SLC4A8: variants seen among roughly 807,000 people sequenced by gnomAD.
The protein encoded by SLC4A8 is electroneutral sodium bicarbonate exchanger 1.
SLC4A8 carries 40 observed loss-of-function variants against 125.0 expected under a neutral mutation model. The observed-to-expected ratio is 0.32, with a 90% CI of 0.25 to 0.42. The LOEUF is 0.42. Ranked by LOEUF, SLC4A8 falls within the 10% of genes least tolerant of loss-of-function variation. The pLI is 1.00. For synonymous variants in SLC4A8, 456 were observed against 476.0 expected, an observed-to-expected ratio of 0.96 and a Z score of 0.55; for missense variants, 863 against 1,355.1, an observed-to-expected ratio of 0.64 and a Z score of 5.70.
intron 1 of SLC4A8, among the ~76,000 whole-genome samples, chr12:51,402,801 A>G (rs1409942096): frequency 6.6e-6 from 1 of 152,196 alleles, no homozygotes; most frequent in African/African-American, 2.4e-5. Context: ...AATTAATCTA[A>G]GCACCATATG....
Position 51,474,353 on chromosome 12 carries a change from C to T in SLC4A8, c.1916C>T (p.Thr639Ile), listed in dbSNP as rs1950799895. The part of the protein sequence containing the change: ...DHLSLYYCRC[T>I]LPENPNNHTL... ...ATTTTTCCCCTCAGCTGCAGGTGTA[C>T]TCTGCCAGAGAATCCAAACAATCAC... Residue 639 changes from threonine to isoleucine, a missense_variant, in exon 15 of 25, where the codon ACT (threonine) becomes ATT (isoleucine). Thr to Ile is a moderately conservative substitution (Grantham distance 89, BLOSUM62 -1). Coordinates refer to ENST00000453097, the MANE Select transcript of SLC4A8 (RefSeq NM_001039960.3). 8 of 1,585,470 alleles carry T rather than the reference C, an allele frequency of 5.0e-6. No homozygotes were observed. The highest frequency in any genetic ancestry group is 6.9e-6 in the Non-Finnish European group (8 of 1,157,182).
In SLC4A8 at chr12:51,461,358, G is replaced by T. The variant is rs759339673; in HGVS notation, c.1101+67G>T. The stretch of plus-strand genomic sequence containing the variant: ...TTATTGAATATTTACTCTGTGCCAG[G>T]CAATATGCTAGTTATTGGGGATAAA... On this transcript the variant is annotated intron_variant, in intron 9 of 24. Coordinates refer to ENST00000453097, the MANE Select transcript of SLC4A8 (RefSeq NM_001039960.3). The T allele has an allele frequency of 2.3e-5, 21 of 922,820 alleles. No individual in the cohort carries two copies. The Admixed American group carries it at 3.7e-4, about 16-fold the overall frequency. The allele number at this position is 922,820 out of a possible 1,614,324, so 57.2% of individuals were successfully genotyped here.
intron 2 of SLC4A8, among the ~76,000 whole-genome samples, chr12:51,446,005 T>C (rs1949762987): frequency 6.6e-6 from 1 of 152,202 alleles, no homozygotes; most frequent in Non-Finnish European, 1.5e-5. Context: ...AGGGATTTCA[T>C]TAACATACTA....
At position 51,463,652 on chromosome 12, in the gene SLC4A8, T is replaced by A; in HGVS notation, c.1287T>A (p.Val429=). ...RKMPGVPNGN[V]CHIEQEPHGG... ...TGCCTGGAGTTCCAAATGGAAATGT[T>A]TGCCACATAGAACAGGAACCACATG... The change falls in exon 11 of 25, where the codon GTT becomes GTA. Residue 429 remains valine, a synonymous_variant. Transcript: ENST00000453097. 2 of 1,614,130 alleles carry A rather than the reference T, an allele frequency of 1.2e-6. No individual in the cohort carries two copies. Among genetic ancestry groups the A allele is most frequent in the Non-Finnish European group, 1.7e-6 (2 of 1,179,960 alleles).
At chr12:51,476,107 A>G (rs1350251057) in intron 16 of SLC4A8, among the ~76,000 whole-genome samples, 1 of 152,256 alleles carries the variant, frequency 6.6e-6, no homozygotes, top group Non-Finnish European at 1.5e-5. Flanking sequence ...AGTGAGAAGA[A>G]GCCACATACC....
At chr12:51,391,870 C>A (rs1234846354) in intron 1 of SLC4A8, 1 of 152,302 alleles carries the variant, frequency 6.6e-6, no homozygotes, top group African/African-American at 2.4e-5. Flanking sequence ...AGGCTTTCAG[C>A]GCGGAAAAAG....
chr12:51,435,225 T>A (rs947630106), intron 1 of SLC4A8, among the ~76,000 whole-genome samples: 1 of 152,210 alleles, frequency 6.6e-6, no homozygotes, highest in Non-Finnish European at 1.5e-5. Context: ...TCCTTTGTGA[T>A]GTTAGTGGCT....
intron 14 of SLC4A8, among the ~76,000 whole-genome samples, chr12:51,473,607 G>C (rs1397805026): frequency 1.3e-5 from 2 of 152,196 alleles, no homozygotes; most frequent in Non-Finnish European, 2.9e-5. Context: ...ACCATACAAA[G>C]TTAGTGGTGT....
At chr12:51,449,218 G>T (rs924538289) in intron 2 of SLC4A8, among the ~76,000 whole-genome samples, 9 of 152,070 alleles carry the variant, frequency 5.9e-5, no homozygotes, top group South Asian at 2.1e-4. Context: ...CAGGAGAATC[G>T]CTTGAGCTCA....
intron 11 of SLC4A8, among the ~76,000 whole-genome samples, chr12:51,464,405 G>A (rs1050544942): frequency 6.6e-6 from 1 of 152,224 alleles, no homozygotes; most frequent in Non-Finnish European, 1.5e-5. Context: ...TATTTTAGGT[G>A]TGTGTGCCTC....
intron 8 of SLC4A8, 125 bp downstream of exon 8, chr12:51,460,233 G>C: frequency 1.2e-6 from 1 of 861,054 alleles, no homozygotes; most frequent in East Asian, 2.6e-5. Flanking sequence ...TTACAATTCA[G>C]CAGAAAAGCC....
intron 1 of SLC4A8, among the ~76,000 whole-genome samples, chr12:51,413,189 A>G (rs766567498): frequency 1.2e-4 from 18 of 152,046 alleles, no homozygotes; most frequent in South Asian, 4.1e-4. Flanking sequence ...CATTTTTTTC[A>G]TATACCTGTT....
intron 12 of SLC4A8, 40 bp from the exon 13 acceptor site, chr12:51,470,352 G>A (rs1950655677): frequency 6.2e-7 from 1 of 1,606,018 alleles, no homozygotes. Flanking sequence ...ACTCTGTACT[G>A]ATGGGCTATG....
chr12:51,394,964 G>A (rs7973783), intron 1 of SLC4A8, among the ~76,000 whole-genome samples: 24,729 of 152,086 alleles, frequency 0.16, 2,325 homozygotes, highest in African/African-American at 0.25. Context: ...AGGAGTTAGA[G>A]GCTGCGGCGA....
rs1466536980 is a variant in SLC4A8 at position 51,514,320 on chromosome 12, C to T, written c.*6882C>T. ...TCTTCTGGTCATAGGTGTTGGGCCT[C>T]CCATTAGGTAGAAGTCCTTTGAGCA... On this transcript the variant is annotated 3_prime_UTR_variant, in exon 25 of 25. Coordinates refer to ENST00000453097, the MANE Select transcript of SLC4A8 (RefSeq NM_001039960.3). The T allele has an allele frequency of 6.6e-6, 1 of 152,616 alleles. No individual in the cohort carries two copies. Among genetic ancestry groups the T allele is most frequent in the Non-Finnish European group, 1.5e-5 (1 of 68,056 alleles). The allele number at this position is 152,616 out of a possible 1,614,324, so 9.5% of individuals were successfully genotyped here. A position where few individuals can be genotyped will look rare whatever the true frequency, so the allele number is the denominator to read the frequency against.
rs2138480267 is a variant in SLC4A8 at position 51,512,603 on chromosome 12, T to G, written c.*5165T>G. On this transcript the variant is annotated 3_prime_UTR_variant, in exon 25 of 25. Transcript: ENST00000453097. Reference sequence around the variant, plus strand: ...GAGTCAAGGTGGGCAGTGTTTGGGGTAGGAAATGAGTAGTGGTGAAGCAGC... The same window carrying G: ...GAGTCAAGGTGGGCAGTGTTTGGGGGAGGAAATGAGTAGTGGTGAAGCAGC... 6.6e-6 allele frequency: 1 copy of G among 152,114 alleles called. No homozygotes were observed. Among genetic ancestry groups the G allele is most frequent in the Middle Eastern group, 3.4e-3 (1 of 296 alleles). 9.4% of individuals were successfully genotyped at this position (152,114 alleles called of 1,614,324 possible). A position where few individuals can be genotyped will look rare whatever the true frequency, so the allele number is the denominator to read the frequency against.
At position 51,474,379 on chromosome 12, in the gene SLC4A8, A is replaced by T. The variant is rs199981470; in HGVS notation, c.1942A>T (p.Thr648Ser). The T allele has an allele frequency of 6.0e-5, 96 of 1,600,186 alleles. No homozygotes were observed. Among genetic ancestry groups the T allele is most frequent in the Admixed American group, 1.5e-4 (9 of 59,794 alleles). ...CTLPENPNNHTLQYWKDHNIV... is the reference protein window; with the variant it reads ...CTLPENPNNHSLQYWKDHNIV... ...TCTGCCAGAGAATCCAAACAATCAC[A>T]CCCTCCAGTACTGGAAGGACCACAA... is the stretch of plus-strand genomic sequence containing the variant. Residue 648 changes from threonine to serine, a missense_variant, in exon 15 of 25, where the codon ACC becomes TCC. Transcript: ENST00000453097.
intron 1 of SLC4A8, among the ~76,000 whole-genome samples, chr12:51,398,075 G>A (rs925002862): frequency 2.6e-5 from 4 of 152,082 alleles, no homozygotes; most frequent in African/African-American, 4.8e-5. Flanking sequence ...CGTTCTGCTC[G>A]AGTATCCTTA....
At chr12:51,444,461 G>A (rs1051344647) in intron 2 of SLC4A8, among the ~76,000 whole-genome samples, 24 of 151,970 alleles carry the variant, frequency 1.6e-4, no homozygotes, top group Non-Finnish European at 2.4e-4. Flanking sequence ...GCTAATGTTC[G>A]TGATAATTGA....
Sources: gnomAD v4.1 joint callset for allele counts (sites outside exome capture counted in the v4.1 genomes callset) on GRCh38, gnomAD v4.1.1 for gene constraint, MANE v1.5 for transcripts, NCBI Gene and HGNC (gene_info 2026-07-23, HGNC 2026-07-21) for gene names.